DPYSL3: variants seen among roughly 807,000 people sequenced by gnomAD.
DPYSL3 encodes dihydropyrimidinase like 3.
A neutral mutation model predicts 66.1 loss-of-function variants in DPYSL3; 16 were observed. That is an observed-to-expected ratio of 0.24 (90% confidence interval 0.16 to 0.37). The LOEUF (loss-of-function observed/expected upper bound fraction) is 0.37. Among genes scored for constraint, DPYSL3 ranks in the 10% least tolerant of loss-of-function variants. The probability of loss-of-function intolerance (pLI) is 1.00; values close to 1 mark genes in which losing one functional copy is unlikely to be tolerated. For synonymous variants in DPYSL3, 338 were observed against 345.1 expected, an observed-to-expected ratio of 0.98 and a Z score of 0.23; for missense variants, 738 against 916.2, an observed-to-expected ratio of 0.81 and a Z score of 2.51.
At chr5:147,443,315 A>C (rs1246843082) in intron 1 of DPYSL3, among the ~76,000 whole-genome samples, 1 of 152,206 alleles carries the variant, frequency 6.6e-6, no homozygotes, top group Non-Finnish European at 1.5e-5. Flanking sequence ...AAGGAATGAG[A>C]TCATGTCCTT....
At chr5:147,486,018 C>T (rs1310401127) in intron 1 of DPYSL3, among the ~76,000 whole-genome samples, 1 of 152,046 alleles carries the variant, frequency 6.6e-6, no homozygotes, top group Non-Finnish European at 1.5e-5. Context: ...ACTATGCAGC[C>T]ATAAAAAGGA....
At chr5:147,407,561 C>T (rs1751729323) in intron 7 of DPYSL3, among the ~76,000 whole-genome samples, 4 of 152,196 alleles carry the variant, frequency 2.6e-5, no homozygotes, top group African/African-American at 9.7e-5. Flanking sequence ...TCCAGTCCTT[C>T]AAGTGTGATC....
At position 147,414,145 on chromosome 5, in the gene DPYSL3, T is replaced by C. The variant is rs201468683; in HGVS notation, c.821-488A>G. On this transcript the variant is annotated intron_variant, in intron 4 of 13. Coordinates refer to ENST00000343218, the MANE Select transcript of DPYSL3 (RefSeq NM_001197294.2). Reference sequence around the variant, plus strand: ...CCCTACTTCATAAAGTGGTTGTGAATATTAAAGGAGAGAATACATACAGAG... The same window carrying C: ...CCCTACTTCATAAAGTGGTTGTGAACATTAAAGGAGAGAATACATACAGAG... Among the ~76,000 whole-genome samples, 6 of 152,192 alleles carry C rather than the reference T, an allele frequency of 3.9e-5. No homozygotes were observed. In the East Asian group the frequency reaches 1.2e-3, roughly 29 times the overall value.
At chr5:147,450,162 G>A (rs1424772879) in intron 1 of DPYSL3, among the ~76,000 whole-genome samples, 1 of 152,138 alleles carries the variant, frequency 6.6e-6, no homozygotes, top group Non-Finnish European at 1.5e-5. Flanking sequence ...CTCTGACCCT[G>A]AGCAAATTAT....
intron 1 of DPYSL3, among the ~76,000 whole-genome samples, chr5:147,502,343 C>T (rs1753623655): frequency 1.3e-5 from 2 of 151,216 alleles, no homozygotes; most frequent in Non-Finnish European, 2.9e-5. Context: ...TACTGCATCT[C>T]CTCACTTTTG....
intron 1 of DPYSL3, among the ~76,000 whole-genome samples, chr5:147,485,986 T>C (rs1753322712): frequency 6.6e-6 from 1 of 152,120 alleles, no homozygotes; most frequent in Admixed American, 6.6e-5. Context: ...AAATACAATC[T>C]GATATATACA....
At chr5:147,414,107 A>G (rs1293669332) in intron 4 of DPYSL3, among the ~76,000 whole-genome samples, 1 of 152,160 alleles carries the variant, frequency 6.6e-6, no homozygotes, top group Non-Finnish European at 1.5e-5. Context: ...TGTTAAATGG[A>G]AAAATAACAA....
chr5:147,398,338 C>A (rs1032130044), intron 11 of DPYSL3, among the ~76,000 whole-genome samples: 1 of 152,160 alleles, frequency 6.6e-6, no homozygotes, highest in Non-Finnish European at 1.5e-5. Context: ...TTAAGAACAT[C>A]AGTTTAGAGT....
intron 1 of DPYSL3, among the ~76,000 whole-genome samples, chr5:147,499,263 G>T (rs542228964): frequency 1.3e-5 from 2 of 152,258 alleles, no homozygotes; most frequent in East Asian, 3.9e-4. Flanking sequence ...ATTGAGCAAA[G>T]AAAAGCCCTC....
chr5:147,465,372 T>C (rs1311527903), intron 1 of DPYSL3, among the ~76,000 whole-genome samples: 1 of 152,066 alleles, frequency 6.6e-6, no homozygotes, highest in Non-Finnish European at 1.5e-5. Flanking sequence ...CAATCTTGGC[T>C]CATTGCAAAT....
At chr5:147,426,413 G>A (rs146960015) in intron 1 of DPYSL3, among the ~76,000 whole-genome samples, 199 of 152,182 alleles carry the variant, frequency 1.3e-3, no homozygotes, top group African/African-American at 4.6e-3. Context: ...GCTGGGTTTG[G>A]TAAGAGTTTG....
At position 147,510,021 on chromosome 5, in the gene DPYSL3, G is replaced by C; in HGVS notation, c.-163C>G. 5 of 1,208,786 alleles carry C rather than the reference G, an allele frequency of 4.1e-6. No individual in the cohort carries two copies. Among genetic ancestry groups the C allele is most frequent in the Non-Finnish European group, 5.5e-6 (5 of 904,494 alleles). 74.9% of individuals were successfully genotyped at this position (1,208,786 alleles called of 1,614,324 possible). A position where few individuals can be genotyped will look rare whatever the true frequency, so the allele number is the denominator to read the frequency against. ...TCCGATTCCTGCTTGTCCCTAGCGA[G>C]CCAGCGAGCCACACAGCCAGCTAGC... On this transcript the variant is annotated 5_prime_UTR_variant, in exon 1 of 14. Coordinates refer to ENST00000343218, the MANE Select transcript of DPYSL3 (RefSeq NM_001197294.2).
intron 1 of DPYSL3, among the ~76,000 whole-genome samples, chr5:147,460,131 G>T (rs931998895): frequency 1.3e-5 from 2 of 152,084 alleles, no homozygotes; most frequent in East Asian, 3.9e-4. Flanking sequence ...AAAAGATGAG[G>T]TTGTGAGATG....
chr5:147,402,992 A>T lies in DPYSL3; in HGVS notation c.1154-1296T>A, dbSNP rs140651426. ...TTGGTCCTCCAACTTCCACAGTTAA[A>T]TTCTCCACAAGTTTGCACTCTATGG... On this transcript the variant is annotated intron_variant, in intron 8 of 13. Transcript: ENST00000343218. 3.7e-3 allele frequency among the ~76,000 whole-genome samples: 559 copies of T among 152,284 alleles called. 4 individuals are homozygous for T. The Middle Eastern group carries it at 0.048, about 13-fold the overall frequency.
chr5:147,463,436 A>T (rs1470360194), intron 1 of DPYSL3, among the ~76,000 whole-genome samples: 1 of 152,140 alleles, frequency 6.6e-6, no homozygotes, highest in Non-Finnish European at 1.5e-5. Context: ...TTGGACCCGG[A>T]AGGGGAAAGA....
rs1757948666 is a variant in DPYSL3, at chr5:147,395,680, C to T, written c.1845G>A (p.Gly615=). Residue 615 remains glycine, a synonymous_variant, in exon 13 of 14, where the codon GGG becomes GGA. Transcript: ENST00000343218. ...LHAVPRGMYD[G]PVFDLTTTPK... ...GGGTGGTGGTCAGGTCAAACACAGG[C>T]CCATCGTACATGCCCCTTGGGACGG... 1 of 1,614,084 alleles carries T rather than the reference C, an allele frequency of 6.2e-7. No homozygotes were observed. The highest frequency in any genetic ancestry group is 8.5e-7 in the Non-Finnish European group (1 of 1,180,038).
chr5:147,466,235 A>G (rs1753009073), intron 1 of DPYSL3, among the ~76,000 whole-genome samples: 1 of 152,088 alleles, frequency 6.6e-6, no homozygotes, highest in East Asian at 1.9e-4. Flanking sequence ...GCTGCCATTT[A>G]TTTATGCCCC....
chr5:147,504,656 A>G (rs912847736), intron 1 of DPYSL3, among the ~76,000 whole-genome samples: 1 of 152,230 alleles, frequency 6.6e-6, no homozygotes, highest in Non-Finnish European at 1.5e-5. Context: ...GAAAAACAAG[A>G]CAAATGACAA....
chr5:147,458,349 T>C (rs1447576198), intron 1 of DPYSL3, among the ~76,000 whole-genome samples: 1 of 152,128 alleles, frequency 6.6e-6, no homozygotes, highest in Non-Finnish European at 1.5e-5. Context: ...CATGACAGTT[T>C]ACAAATACCA....
Sources: gnomAD v4.1 joint callset for allele counts (sites outside exome capture counted in the v4.1 genomes callset) on GRCh38, gnomAD v4.1.1 for gene constraint, MANE v1.5 for transcripts, NCBI Gene and HGNC (gene_info 2026-07-23, HGNC 2026-07-21) for gene names.